MAGI2: variants seen among roughly 807,000 people sequenced by gnomAD.
MAGI2 encodes membrane associated guanylate kinase, WW and PDZ domain containing 2.
MAGI2 carries 35 observed loss-of-function variants against 133.3 expected under a neutral mutation model. The ratio of observed to expected loss-of-function variants is 0.26; its 90% confidence interval spans 0.20 to 0.35. MAGI2 has a LOEUF of 0.35. Among genes scored for constraint, MAGI2 ranks in the 10% least tolerant of loss-of-function variants. MAGI2 has a pLI of 1.00. For missense variants in MAGI2, 1,636 were observed against 1,863.4 expected (o/e 0.88, Z 2.25); for synonymous variants, 729 against 710.6 (o/e 1.03, Z -0.41).
intron 9 of MAGI2, among the ~76,000 whole-genome samples, chr7:78,327,206 C>T (rs1788673810): frequency 6.6e-6 from 1 of 152,196 alleles, no homozygotes; most frequent in African/African-American, 2.4e-5. Context: ...ACAGCTGGCT[C>T]AAGTCAGGCT....
intron 1 of MAGI2, among the ~76,000 whole-genome samples, chr7:79,217,240 C>T (rs848813): frequency 0.71 from 107,558 of 151,796 alleles, 40,663 homozygotes; most frequent in Non-Finnish European, 0.83. Context: ...CAAATATTCT[C>T]GGAGTTTAAT....
intron 1 of MAGI2, among the ~76,000 whole-genome samples, chr7:79,109,797 G>C (rs1298099444): frequency 1.3e-5 from 2 of 152,078 alleles, no homozygotes; most frequent in Admixed American, 1.3e-4. Flanking sequence ...GCAGGCTTCT[G>C]CCTGGGCACC....
intron 21 of MAGI2, among the ~76,000 whole-genome samples, chr7:78,022,829 G>A (rs1242670498): frequency 6.6e-6 from 1 of 152,136 alleles, no homozygotes; most frequent in African/African-American, 2.4e-5. Context: ...ATCGTAAAAG[G>A]TGAAATTATT....
intron 4 of MAGI2, among the ~76,000 whole-genome samples, chr7:78,516,173 G>A (rs1796026699): frequency 6.6e-6 from 1 of 152,162 alleles, no homozygotes; most frequent in Non-Finnish European, 1.5e-5. Context: ...AGGTGAAAAT[G>A]TTTTGCGTGT....
At chr7:78,265,724 AAG>A (rs1283523220) in intron 9 of MAGI2, among the ~76,000 whole-genome samples, 1 of 152,234 alleles carries the variant, frequency 6.6e-6, no homozygotes, top group African/African-American at 2.4e-5. Flanking sequence ...CCTTGCAGGA[AAG>A]AGTCATAATT....
chr7:79,009,964 A>C (rs1052606066), intron 1 of MAGI2, among the ~76,000 whole-genome samples: 1 of 152,172 alleles, frequency 6.6e-6, no homozygotes, highest in African/African-American at 2.4e-5. Flanking sequence ...CACTCATTAA[A>C]AAAACTATTT....
At chr7:79,182,686 C>T (rs985471194) in intron 1 of MAGI2, among the ~76,000 whole-genome samples, 5 of 151,800 alleles carry the variant, frequency 3.3e-5, no homozygotes, top group African/African-American at 4.9e-5. Context: ...ACTAAGAGTA[C>T]GTCCAAAGAA....
At chr7:79,085,890 C>G (rs1181090444) in intron 1 of MAGI2, among the ~76,000 whole-genome samples, 2 of 151,910 alleles carry the variant, frequency 1.3e-5, no homozygotes, top group East Asian at 3.9e-4. Context: ...ATATGGCAGG[C>G]AGTTTACAAC....
At chr7:78,456,632 T>A (rs1355864331) in intron 6 of MAGI2, among the ~76,000 whole-genome samples, 1 of 152,168 alleles carries the variant, frequency 6.6e-6, no homozygotes, top group African/African-American at 2.4e-5. Flanking sequence ...TATTCCGGTA[T>A]AATACAATAA....
At chr7:78,639,552 T>C (rs1362362537) in intron 2 of MAGI2, among the ~76,000 whole-genome samples, 1 of 152,190 alleles carries the variant, frequency 6.6e-6, no homozygotes, top group Non-Finnish European at 1.5e-5. Context: ...TTATATTAGT[T>C]GATATTTTAT....
At chr7:79,365,867 C>CAAAAAAAAAAAAAAAA (rs71095399) in intron 1 of MAGI2, among the ~76,000 whole-genome samples, 11 of 48,872 alleles carry the variant, frequency 2.3e-4, no homozygotes, top group Non-Finnish European at 2.5e-4. Flanking sequence ...ACTCTTGTCT[C>CAAAAAAAAAAAAAAAA]AAAAAAAAAA....
chr7:78,540,052 G>C (rs965278025), intron 3 of MAGI2, among the ~76,000 whole-genome samples: 4 of 152,230 alleles, frequency 2.6e-5, no homozygotes, highest in Admixed American at 6.5e-5. Flanking sequence ...GAGCGCATCA[G>C]CTGTGATCAT....
At chr7:78,165,098 A>G (rs1320175085) in intron 15 of MAGI2, among the ~76,000 whole-genome samples, 3 of 152,228 alleles carry the variant, frequency 2.0e-5, no homozygotes, top group Non-Finnish European at 4.4e-5. Flanking sequence ...ATAAAAATAA[A>G]TGAATAAAAG....
At chr7:78,439,191 G>T (rs1212804221) in intron 6 of MAGI2, among the ~76,000 whole-genome samples, 1 of 152,154 alleles carries the variant, frequency 6.6e-6, no homozygotes, top group African/African-American at 2.4e-5. Context: ...TTCCTTGGAT[G>T]TGCCTTCATA....
intron 2 of MAGI2, among the ~76,000 whole-genome samples, chr7:78,826,698 T>G (rs1416279667): frequency 6.6e-6 from 1 of 152,146 alleles, no homozygotes; most frequent in Non-Finnish European, 1.5e-5. Flanking sequence ...TAGGATGAAA[T>G]GTAGAATGTG....
chr7:78,465,144 G>A (rs560575180), intron 6 of MAGI2, among the ~76,000 whole-genome samples: 33 of 152,220 alleles, frequency 2.2e-4, no homozygotes, highest in South Asian at 1.7e-3. Context: ...TGTCCTCAGC[G>A]TTAATTCATT....
chr7:78,486,104 G>T (rs76456921), intron 6 of MAGI2: 3 of 152,202 alleles, frequency 2.0e-5, no homozygotes, highest in African/African-American at 7.2e-5. Flanking sequence ...GAAGAAGGCC[G>T]CTGCTGGACA....
At chr7:78,118,931 C>A (rs1056796477) in intron 20 of MAGI2, among the ~76,000 whole-genome samples, 9 of 152,088 alleles carry the variant, frequency 5.9e-5, no homozygotes, top group Non-Finnish European at 8.8e-5. Flanking sequence ...TTCATAATTG[C>A]CAAAATCAGT....
rs142272594 is a variant in MAGI2, at chr7:78,239,641, C to G, written c.2047+16302G>C. 6.6e-5 allele frequency among the ~76,000 whole-genome samples: 10 copies of G among 152,260 alleles called. No individual in the cohort carries two copies. In the East Asian group the frequency reaches 1.9e-3, roughly 29 times the overall value. On this transcript the variant is annotated intron_variant, in intron 10 of 21. Transcript: ENST00000354212. ...CACAAAAAGATATACAAATGGCCAACAAGTATATGGAAATTGCTCAACATC... is the reference window on the plus strand; with the variant it reads ...CACAAAAAGATATACAAATGGCCAAGAAGTATATGGAAATTGCTCAACATC...
Sources: gnomAD v4.1 joint callset for allele counts (sites outside exome capture counted in the v4.1 genomes callset) on GRCh38, gnomAD v4.1.1 for gene constraint, MANE v1.5 for transcripts, NCBI Gene and HGNC (gene_info 2026-07-23, HGNC 2026-07-21) for gene names.